Variants in BCAR3 observed in about 807,000 individuals in gnomAD.
BCAR3 encodes the protein breast cancer anti-estrogen resistance protein 3.
A neutral mutation model predicts 80.1 loss-of-function variants in BCAR3; 37 were observed. The observed-to-expected ratio is 0.46, with a 90% confidence interval of 0.36 to 0.61. The LOEUF is 0.61. Ranked by LOEUF, BCAR3 falls within the 20% of genes least tolerant of loss-of-function variation. The pLI is 0.00. For synonymous variants in BCAR3, 389 were observed against 418.9 expected, an observed-to-expected ratio of 0.93 and a Z score of 0.87; for missense variants, 978 against 1,068.2, an observed-to-expected ratio of 0.92 and a Z score of 1.18.
chr1:93,650,420 G>A (rs1035204075), intron 2 of BCAR3, among the ~76,000 whole-genome samples: 3 of 152,166 alleles, frequency 2.0e-5, no homozygotes, highest in Non-Finnish European at 2.9e-5. Context: ...TCATGTAACA[G>A]TCACTCCAGC....
At chr1:93,660,969 C>G (rs1647621821) in intron 2 of BCAR3, among the ~76,000 whole-genome samples, 1 of 152,176 alleles carries the variant, frequency 6.6e-6, no homozygotes, top group Non-Finnish European at 1.5e-5. Context: ...CTCCACCTCC[C>G]GGGTTCAAGT....
chr1:93,703,108 CTG>C (rs1158746733), intron 3 of BCAR3, among the ~76,000 whole-genome samples: 2 of 152,222 alleles, frequency 1.3e-5, no homozygotes, highest in Non-Finnish European at 2.9e-5. Context: ...GGAATTGGAA[CTG>C]TGATCAGGCC....
At chr1:93,726,595 G>C (rs1650592158) in intron 2 of BCAR3, among the ~76,000 whole-genome samples, 1 of 152,114 alleles carries the variant, frequency 6.6e-6, no homozygotes, top group Non-Finnish European at 1.5e-5. Flanking sequence ...TTTGGATAAA[G>C]TTATACTTTT....
At chr1:93,727,273 A>T (rs1377570450) in intron 2 of BCAR3, among the ~76,000 whole-genome samples, 2 of 152,150 alleles carry the variant, frequency 1.3e-5, no homozygotes, top group African/African-American at 4.8e-5. Context: ...CCCTGGATTT[A>T]ATGTGGCAGC....
chr1:93,718,560 TG>T (rs1001875996), intron 2 of BCAR3, among the ~76,000 whole-genome samples: 3 of 152,092 alleles, frequency 2.0e-5, no homozygotes, highest in African/African-American at 7.2e-5. Context: ...AACTATAAAA[TG>T]GAGATGATAG....
At chr1:93,584,949 G>GA in intron 5 of BCAR3, 5 of 971,416 alleles carry the variant, frequency 5.1e-6, no homozygotes, top group Non-Finnish European at 4.9e-6. Context: ...TTATGTTACA[G>GA]AAATCACGAA....
rs113071736 is a variant in BCAR3 at position 93,674,638 on chromosome 1, C to T, written c.293G>A (p.Arg98Gln). 145 of 1,613,326 alleles carry T rather than the reference C, an allele frequency of 9.0e-5. No individual in the cohort carries two copies. In the South Asian group the frequency reaches 1.2e-3, roughly 13 times the overall value. Reference protein sequence around the residue: ...DGIQESPWQDRHGETFTFRDP... With the variant: ...DGIQESPWQDQHGETFTFRDP... ...CCTGAAGGTGAAGGTTTCGCCGTGC[C>T]GGTCCTGCCATGGGCTCTCCTGGAT... Residue 98 changes from arginine (R) to glutamine (Q), a missense_variant, in exon 2 of 12, where the codon CGG becomes CAG. Physicochemically the swap from Arg to Gln is conservative, Grantham distance 43. Transcript: ENST00000260502.
At chr1:93,562,941 G>GAAAT (rs1672762198) in intron 11 of BCAR3, among the ~76,000 whole-genome samples, 1 of 152,048 alleles carries the variant, frequency 6.6e-6, no homozygotes, top group South Asian at 2.1e-4. Context: ...CTTCAGAGAA[G>GAAAT]AAATAACAGG....
chr1:93,674,940 C>T lies in BCAR3; in HGVS notation c.-10G>A. On this transcript the variant is annotated splice_region_variant and 5_prime_UTR_variant, in exon 2 of 12. Coordinates refer to ENST00000260502, the MANE Select transcript of BCAR3 (RefSeq NM_003567.4). Reference sequence around the variant, plus strand: ...ATTTTCCTGCAGCCATAATTCTCAACTCTAAGGGGGAAAGAAAAGAGTGAA... The same window carrying T: ...ATTTTCCTGCAGCCATAATTCTCAATTCTAAGGGGGAAAGAAAAGAGTGAA... 6.5e-7 allele frequency: 1 copy of T among 1,532,900 alleles called. No homozygotes were observed. Among genetic ancestry groups the T allele is most frequent in the Non-Finnish European group, 8.7e-7 (1 of 1,146,394 alleles). The allele number at this position is 1,532,900 out of a possible 1,614,324, so 95.0% of individuals were successfully genotyped here.
chr1:93,825,484 T>C (rs1654342288), intron 2 of BCAR3, among the ~76,000 whole-genome samples: 1 of 134,414 alleles, frequency 7.4e-6, no homozygotes, highest in South Asian at 3.0e-4. Context: ...TTAAGGTCTC[T>C]TCAGAGAGGA....
chr1:93,725,554 C>G (rs181285900), intron 2 of BCAR3, among the ~76,000 whole-genome samples: 1 of 152,156 alleles, frequency 6.6e-6, no homozygotes, highest in Admixed American at 6.5e-5. Context: ...TATATTGATC[C>G]TATTGTGTAT....
At position 93,589,349 on chromosome 1, in the gene BCAR3, A is replaced by G; in HGVS notation, c.557T>C (p.Phe186Ser). 7 of 1,614,158 alleles carry G rather than the reference A, an allele frequency of 4.3e-6. No homozygotes were observed. The highest frequency in any genetic ancestry group is 5.9e-6 in the Non-Finnish European group (7 of 1,180,038). Residue 186 changes from phenylalanine to serine, a missense_variant, in exon 5 of 12, where the codon TTT becomes TCT. Physicochemically the swap from Phe to Ser is radical, Grantham distance 155. Transcript: ENST00000260502. ...VRDSLSSPGN[F>S]VLTCQWKNLA... ...GTTCTTCCACTGACAGGTCAGGACA[A>G]AGTTCCCAGGGCTGGACAGAGAGTC...
intron 2 of BCAR3, among the ~76,000 whole-genome samples, chr1:93,817,857 C>G (rs1318781080): frequency 6.6e-6 from 1 of 152,120 alleles, no homozygotes; most frequent in Non-Finnish European, 1.5e-5. Flanking sequence ...CCAAGGGGCT[C>G]TCCTCCTCCC....
At chr1:93,638,582 A>C (rs1476501437) in intron 3 of BCAR3, among the ~76,000 whole-genome samples, 1 of 152,142 alleles carries the variant, frequency 6.6e-6, no homozygotes, top group Non-Finnish European at 1.5e-5. Flanking sequence ...TCCTATTAAA[A>C]AAAAATGTTT....
At chr1:93,773,529 T>C (rs919631154) in intron 2 of BCAR3, among the ~76,000 whole-genome samples, 1 of 152,174 alleles carries the variant, frequency 6.6e-6, no homozygotes, top group Admixed American at 6.5e-5. Context: ...ATCCACTTGA[T>C]CTCTGGTCAG....
intron 2 of BCAR3, among the ~76,000 whole-genome samples, chr1:93,735,672 C>T (rs1650949359): frequency 6.6e-6 from 1 of 152,190 alleles, no homozygotes; most frequent in African/African-American, 2.4e-5. Flanking sequence ...TCTCAAAAAT[C>T]TTTACAGGCC....
At chr1:93,662,792 T>C (rs1342193346) in intron 2 of BCAR3, among the ~76,000 whole-genome samples, 1 of 152,232 alleles carries the variant, frequency 6.6e-6, no homozygotes, top group Non-Finnish European at 1.5e-5. Context: ...GACTGCTTCC[T>C]TTATCAAGTA....
chr1:93,642,190 G>A, intron 3 of BCAR3, 114 bp downstream of exon 3: 1 of 1,224,004 alleles, frequency 8.2e-7, no homozygotes, highest in Non-Finnish European at 1.2e-6. Flanking sequence ...GTTTTGGAGA[G>A]TCTAATCAGC....
At chr1:93,721,670 A>C (rs945376480) in intron 2 of BCAR3, among the ~76,000 whole-genome samples, 1 of 152,288 alleles carries the variant, frequency 6.6e-6, no homozygotes, top group East Asian at 1.9e-4. Flanking sequence ...CACCAAGCCC[A>C]TTCTCGTGGC....
Sources: gnomAD v4.1 joint callset for allele counts (sites outside exome capture counted in the v4.1 genomes callset) on GRCh38, gnomAD v4.1.1 for gene constraint, MANE v1.5 for transcripts, NCBI Gene and HGNC (gene_info 2026-07-23, HGNC 2026-07-21) for gene names.